Variants in NEDD4L observed in about 807,000 individuals in gnomAD.
NEDD4L encodes E3 ubiquitin-protein ligase NEDD4-like.
A neutral mutation model predicts 148.9 loss-of-function variants in NEDD4L; 54 were observed. That is an observed-to-expected ratio of 0.36 (90% CI 0.29 to 0.45). The LOEUF is 0.45. NEDD4L is among the 20% of genes least tolerant of loss of function. NEDD4L has a pLI of 1.00. For synonymous variants in NEDD4L, 433 were observed against 440.7 expected, an observed-to-expected ratio of 0.98 and a Z score of 0.22; for missense variants, 856 against 1,233.8, an observed-to-expected ratio of 0.69 and a Z score of 4.59.
At chr18:58,077,500 C>T (rs1036501962) in intron 1 of NEDD4L, among the ~76,000 whole-genome samples, 6 of 152,172 alleles carry the variant, frequency 3.9e-5, no homozygotes, top group African/African-American at 1.2e-4. Context: ...CAGTCCTAAA[C>T]ACTGAGTGTG....
intron 5 of NEDD4L, among the ~76,000 whole-genome samples, chr18:58,301,989 G>C (rs2056529322): frequency 6.6e-6 from 1 of 152,174 alleles, no homozygotes; most frequent in African/African-American, 2.4e-5. Context: ...CGGTGATAGG[G>C]GGATTCACTA....
chr18:58,185,340 C>T (rs1185589094), intron 2 of NEDD4L, among the ~76,000 whole-genome samples: 4 of 152,110 alleles, frequency 2.6e-5, no homozygotes, highest in Admixed American at 6.5e-5. Flanking sequence ...TTAAAACTCC[C>T]GGTGTCCACA....
chr18:58,085,180 T>C (rs2083694601), intron 1 of NEDD4L, among the ~76,000 whole-genome samples: 1 of 152,218 alleles, frequency 6.6e-6, no homozygotes, highest in African/African-American at 2.4e-5. Context: ...ATGTGAATTC[T>C]GGGGGAACAT....
chr18:58,090,923 G>A (rs2084038727), intron 1 of NEDD4L: 1 of 152,214 alleles, frequency 6.6e-6, no homozygotes, highest in African/African-American at 2.4e-5. Flanking sequence ...AAGTCTTTGA[G>A]TCCAACAACC....
intron 24 of NEDD4L, among the ~76,000 whole-genome samples, chr18:58,374,620 C>T (rs750854002): frequency 6.6e-6 from 1 of 151,952 alleles, no homozygotes; most frequent in Non-Finnish European, 1.5e-5. Context: ...TCCCCAGGAC[C>T]GAGAGTACTG....
intron 2 of NEDD4L, among the ~76,000 whole-genome samples, chr18:58,243,845 T>TA (rs140753264): frequency 0.039 from 5,978 of 152,062 alleles, 248 homozygotes; most frequent in East Asian, 0.15. Context: ...AAAAAAAAAA[T>TA]AAAAAATATT....
At chr18:58,127,710 A>G (rs1390477794) in intron 1 of NEDD4L, among the ~76,000 whole-genome samples, 2 of 151,894 alleles carry the variant, frequency 1.3e-5, no homozygotes, top group African/African-American at 2.4e-5. Flanking sequence ...GCGTGGTGGC[A>G]GGTGCTTGTA....
In NEDD4L at chr18:58,341,684, G is replaced by A. The variant is rs1264313027; in HGVS notation, c.1264G>A (p.Glu422Lys). The change falls in exon 15 of 31, where the codon GAA (glutamate) becomes AAA (lysine). Residue 422 changes from glutamate to lysine, a missense_variant. Transcript: ENST00000400345. ...GTTTTTGCCTCCAAAATAGCTTGCA[G>A]AAGATGGTGCGTCCGGATCAGCCAC... ...TWTRPIMQLA[E>K]DGASGSATNS... is the part of the protein sequence containing the mutation. The A allele has an allele frequency of 1.9e-6, 3 of 1,613,124 alleles. No individual in the cohort carries two copies. Among genetic ancestry groups the A allele is most frequent in the Non-Finnish European group, 1.7e-6 (2 of 1,179,592 alleles).
At chr18:58,151,231 C>T (rs760216964) in intron 1 of NEDD4L, among the ~76,000 whole-genome samples, 1 of 152,202 alleles carries the variant, frequency 6.6e-6, no homozygotes, top group Non-Finnish European at 1.5e-5. Context: ...CATGCTGCTT[C>T]TGCCACAGAC....
At chr18:58,313,995 AG>A (rs1441625005) in intron 5 of NEDD4L, among the ~76,000 whole-genome samples, 1 of 152,256 alleles carries the variant, frequency 6.6e-6, no homozygotes, top group African/African-American at 2.4e-5. Flanking sequence ...CAGCCATAGC[AG>A]GAGGAGGAGA....
At chr18:58,387,755 G>C (rs2049233837) in intron 27 of NEDD4L, 2 of 349,556 alleles carry the variant, frequency 5.7e-6, no homozygotes. Context: ...TCAGAGGGCA[G>C]TTCTGGAACA....
At chr18:58,052,613 C>T (rs946995081) in intron 1 of NEDD4L, among the ~76,000 whole-genome samples, 5 of 150,824 alleles carry the variant, frequency 3.3e-5, no homozygotes, top group African/African-American at 9.8e-5. Context: ...CTCCTATTCA[C>T]CAAAAGAAAA....
chr18:58,228,648 T>A (rs985291668), intron 2 of NEDD4L, among the ~76,000 whole-genome samples: 4 of 152,234 alleles, frequency 2.6e-5, no homozygotes, highest in Admixed American at 1.3e-4. Context: ...GAGGTTGGGA[T>A]GGCCGGAGGG....
intron 1 of NEDD4L, among the ~76,000 whole-genome samples, chr18:58,109,589 T>TTTG (rs2085296170): frequency 6.7e-6 from 1 of 149,668 alleles, no homozygotes; most frequent in Admixed American, 6.6e-5. Flanking sequence ...TTTTTTTTTT[T>TTTG]GAGACGGAGT....
At chr18:58,092,548 T>C (rs1255526763) in intron 1 of NEDD4L, among the ~76,000 whole-genome samples, 1 of 151,992 alleles carries the variant, frequency 6.6e-6, no homozygotes, top group Non-Finnish European at 1.5e-5. Flanking sequence ...GTACGAAAGT[T>C]GTATGAGGAA....
intron 20 of NEDD4L, among the ~76,000 whole-genome samples, chr18:58,365,304 G>A (rs1244632361): frequency 1.3e-5 from 2 of 152,148 alleles, no homozygotes; most frequent in Non-Finnish European, 2.9e-5. Flanking sequence ...TGATGACTGT[G>A]GTCATCACCC....
At chr18:58,207,708 C>T (rs1170055012) in intron 2 of NEDD4L, among the ~76,000 whole-genome samples, 2 of 152,314 alleles carry the variant, frequency 1.3e-5, no homozygotes, top group South Asian at 2.1e-4. Context: ...CACTCACTCA[C>T]GAGTGTCATC....
intron 2 of NEDD4L, among the ~76,000 whole-genome samples, chr18:58,191,304 G>A (rs908154561): frequency 5.9e-5 from 9 of 152,156 alleles, no homozygotes; most frequent in African/African-American, 1.7e-4. Context: ...CTATAGGAGA[G>A]ACAGTAATGC....
chr18:58,143,329 C>T (rs1026165277), intron 1 of NEDD4L, among the ~76,000 whole-genome samples: 2 of 152,222 alleles, frequency 1.3e-5, no homozygotes, highest in African/African-American at 4.8e-5. Flanking sequence ...CCTCATTAGA[C>T]AGAGCTCAGC....
Sources: gnomAD v4.1 joint callset for allele counts (sites outside exome capture counted in the v4.1 genomes callset) on GRCh38, gnomAD v4.1.1 for gene constraint, MANE v1.5 for transcripts, NCBI Gene and HGNC (gene_info 2026-07-23, HGNC 2026-07-21) for gene names.